MYO5C: variants seen among roughly 807,000 people sequenced by gnomAD.
MYO5C encodes the protein myosin VC, also known as unconventional myosin-Vc.
In MYO5C, 194 loss-of-function variants were observed where a neutral mutation model predicts 235.7. The ratio of observed to expected loss-of-function variants is 0.82; its 90% CI spans 0.73 to 0.93. The LOEUF (loss-of-function observed/expected upper bound fraction) is 0.93. Among genes scored for constraint, MYO5C ranks in the 40% least tolerant of loss-of-function variants. MYO5C has a pLI of 0.00. For missense variants in MYO5C, 2,038 were observed against 2,127.2 expected (o/e 0.96, Z 0.82); for synonymous variants, 707 against 754.8 (o/e 0.94, Z 1.04).
chr15:52,287,704 C>T (rs1207033252), intron 1 of MYO5C, among the ~76,000 whole-genome samples: 2 of 152,160 alleles, frequency 1.3e-5, no homozygotes, highest in African/African-American at 4.8e-5. Context: ...TGGCCAGGCG[C>T]GGTGGCTCAC....
In MYO5C at chr15:52,213,257, T is replaced by C; in HGVS notation, c.4072A>G (p.Lys1358Glu). The change falls in exon 34 of 41, where the codon AAG becomes GAG. Residue 1358 changes from lysine to glutamate, a missense_variant. By Grantham distance (56) the Lys-to-Glu change is moderately conservative. Transcript: ENST00000261839. ...ANDVHSSSGPKEYLGMLQYKR... is the reference protein window; with the variant it reads ...ANDVHSSSGPEEYLGMLQYKR... ...TATTGCAGCATTCCAAGGTACTCCT[T>C]GGGTCCTGAGGACGAGTGCACATCA... 1 of 1,614,006 alleles carries C rather than the reference T, an allele frequency of 6.2e-7. No homozygotes were observed. Among genetic ancestry groups the C allele is most frequent in the African/African-American group, 1.3e-5 (1 of 75,032 alleles).
rs184453498 is a variant in MYO5C at position 52,252,557 on chromosome 15, C to T, written c.1536+760G>A. On this transcript the variant is annotated intron_variant, in intron 12 of 40. Coordinates refer to ENST00000261839, the MANE Select transcript of MYO5C (RefSeq NM_018728.4). ...TTGGGAGGCCGAGGCAGGCGGATCACGAGGTCAGGAGATCCAGACCATCCT... is the reference window on the plus strand; with the variant it reads ...TTGGGAGGCCGAGGCAGGCGGATCATGAGGTCAGGAGATCCAGACCATCCT... 8.1e-3 allele frequency among the ~76,000 whole-genome samples: 1,229 copies of T among 151,924 alleles called. 17 individuals carry two copies. The highest frequency in any genetic ancestry group is 0.029 in the African/African-American group (1,189 of 41,434).
chr15:52,266,437 C>T (rs2036813181), intron 8 of MYO5C, among the ~76,000 whole-genome samples: 1 of 152,164 alleles, frequency 6.6e-6, no homozygotes, highest in Non-Finnish European at 1.5e-5. Flanking sequence ...ACTTTTTAAT[C>T]AAAATGCCTC....
chr15:52,205,093 G>A lies in MYO5C; in HGVS notation c.4592C>T (p.Thr1531Ile), dbSNP rs1046789282. 6.2e-7 allele frequency: 1 copy of A among 1,614,068 alleles called. No homozygotes were observed. Among genetic ancestry groups the A allele is most frequent in the Non-Finnish European group, 8.5e-7 (1 of 1,180,040 alleles). ...GCTAGAGGAGCGCTTCCGGAAGCCT[G>A]TGGGCTTCAGGCCGGAAATGCCCTG... ...SLQGISGLKP[T>I]GFRKRSSSID... Residue 1531 changes from threonine to isoleucine, a missense_variant, in exon 38 of 41, where the codon ACA becomes ATA. By Grantham distance (89) the Thr-to-Ile change is moderately conservative (BLOSUM62 -1). Coordinates refer to ENST00000261839, the MANE Select transcript of MYO5C (RefSeq NM_018728.4).
rs144562615 is a variant in MYO5C, at chr15:52,252,581, C to A, written c.1536+736G>T. On this transcript the variant is annotated intron_variant, in intron 12 of 40. Coordinates refer to ENST00000261839, the MANE Select transcript of MYO5C (RefSeq NM_018728.4). ...ACGAGGTCAGGAGATCCAGACCATC[C>A]TGGCTAACATGGTGAAACCCCGTCT... Among the ~76,000 whole-genome samples the A allele has an allele frequency of 3.6e-3, 546 of 152,192 alleles. 4 individuals carry two copies. The highest frequency in any genetic ancestry group is 0.013 in the African/African-American group (535 of 41,528).
chr15:52,237,238 C>G (rs1204353965), intron 22 of MYO5C: 4 of 361,774 alleles, frequency 1.1e-5, no homozygotes, highest in Middle Eastern at 8.1e-4. Context: ...CATCATTTTG[C>G]AAAACTTGAA....
At chr15:52,259,901 C>T (rs993684024) in intron 10 of MYO5C, among the ~76,000 whole-genome samples, 5 of 152,262 alleles carry the variant, frequency 3.3e-5, no homozygotes, top group African/African-American at 4.8e-5. Flanking sequence ...TCAGCTCTCC[C>T]CTTTGCATGG....
At position 52,232,685 on chromosome 15, in the gene MYO5C, T is replaced by C; in HGVS notation, c.2963A>G (p.Glu988Gly). Reference protein sequence around the residue: ...KLQEKTEELKEKMDNLTKQLF... With the variant: ...KLQEKTEELKGKMDNLTKQLF... The stretch of plus-strand genomic sequence containing the variant: ...CTGCTTGGTGAGGTTGTCCATTTTT[T>C]CTGTAAAAAGAGAATGCTTTTTGAG... Residue 988 changes from glutamate (E) to glycine (G), a missense_variant and splice_region_variant, in exon 24 of 41, where the codon GAA (glutamate) becomes GGA (glycine). Coordinates refer to ENST00000261839, the MANE Select transcript of MYO5C (RefSeq NM_018728.4). 6.2e-7 allele frequency: 1 copy of C among 1,613,864 alleles called. No individual in the cohort carries two copies. The highest frequency in any genetic ancestry group is 8.5e-7 in the Non-Finnish European group (1 of 1,179,890).
intron 20 of MYO5C, among the ~76,000 whole-genome samples, chr15:52,241,385 G>T (rs1026780214): frequency 6.7e-6 from 1 of 148,500 alleles, no homozygotes; most frequent in Non-Finnish European, 1.5e-5. Flanking sequence ...TCAGCCTCCC[G>T]AGCAGCTGGG....
chr15:52,283,843 T>C (rs533825296), intron 1 of MYO5C, among the ~76,000 whole-genome samples: 172 of 152,032 alleles, frequency 1.1e-3, no homozygotes, highest in Non-Finnish European at 2.1e-3. Flanking sequence ...GCCTGGCTAA[T>C]TTTGTATTTT....
chr15:52,251,191 C>T, intron 13 of MYO5C, 199 bp downstream of exon 13: 1 of 387,616 alleles, frequency 2.6e-6, no homozygotes, highest in Non-Finnish European at 4.5e-6. Context: ...TCTAACAACA[C>T]ATTCGTCTTT....
In MYO5C at chr15:52,260,910, T is replaced by C. The variant is rs999150973; in HGVS notation, c.1265A>G (p.Gln422Arg). The change falls in exon 10 of 41, where the codon CAG becomes CGG. Residue 422 changes from glutamine to arginine, a missense_variant. Transcript: ENST00000261839. The stretch of plus-strand genomic sequence containing the variant: ...AAAAGTGTGCTGCTTGCCTGAAAAC[T>C]GCAACGCTTGGTTAATTCTCTCCAC... ...FIVERINQAL[Q>R]FSGKQHTFIG... is the part of the protein sequence containing the mutation. The C allele has an allele frequency of 6.2e-6, 10 of 1,614,090 alleles. No individual in the cohort carries two copies. Among genetic ancestry groups the C allele is most frequent in the Non-Finnish European group, 7.6e-6 (9 of 1,180,040 alleles).
At chr15:52,221,087 C>CA (rs2035671105) in intron 30 of MYO5C, 75 bp downstream of exon 30, 1 of 1,188,802 alleles carries the variant, frequency 8.4e-7, no homozygotes, top group African/African-American at 1.5e-5. Context: ...GCCCTGAGTA[C>CA]AAGGACATTT....
intron 1 of MYO5C, among the ~76,000 whole-genome samples, chr15:52,291,731 G>GTTTTTTTTCTTTTTTTT (rs2037392398): frequency 1.9e-5 from 1 of 52,562 alleles, no homozygotes; most frequent in Non-Finnish European, 3.3e-5. Context: ...CATATTTTAT[G>GTTTTTTTTCTTTTTTTT]TTTTTTTTTT....
At chr15:52,277,966 T>A (rs1038334872) in intron 4 of MYO5C, 1 of 455,996 alleles carries the variant, frequency 2.2e-6, no homozygotes, top group Admixed American at 2.3e-5. Context: ...CGGCTGGGGT[T>A]ATGCAGTAAA....
chr15:52,197,037 G>A (rs968458590), intron 38 of MYO5C, among the ~76,000 whole-genome samples: 1 of 152,204 alleles, frequency 6.6e-6, no homozygotes, highest in Non-Finnish European at 1.5e-5. Context: ...AACATTGCTA[G>A]TGGGAACGTA....
At chr15:52,265,399 G>C (rs1465444740) in intron 8 of MYO5C, among the ~76,000 whole-genome samples, 1 of 152,142 alleles carries the variant, frequency 6.6e-6, no homozygotes, top group Non-Finnish European at 1.5e-5. Context: ...TGGCAGGCAG[G>C]CTCATTCACA....
chr15:52,216,201 A>T (rs2035546316), intron 32 of MYO5C, among the ~76,000 whole-genome samples: 1 of 151,990 alleles, frequency 6.6e-6, no homozygotes. Flanking sequence ...GATCTCTATT[A>T]ATTATTATTA....
intron 22 of MYO5C, 161 bp downstream of exon 22, chr15:52,237,320 AT>A (rs2036107539): frequency 2.6e-6 from 2 of 765,134 alleles, no homozygotes; most frequent in African/African-American, 3.5e-5. Context: ...TAATCCTCTG[AT>A]CTCGCCTTTC....
Sources: allele counts gnomAD v4.1 joint callset (sites outside exome capture counted in the v4.1 genomes callset), GRCh38; gene constraint gnomAD v4.1.1; transcripts MANE v1.5; gene names NCBI Gene and HGNC (gene_info 2026-07-23, HGNC 2026-07-21).